CARF: variants seen among roughly 807,000 people sequenced by gnomAD.
CARF encodes calcium responsive transcription factor, also known as calcium-responsive transcription factor.
In CARF, 57 loss-of-function variants were observed where a neutral mutation model predicts 82.0. That is an observed-to-expected ratio of 0.70 (90% CI 0.56 to 0.87). The LOEUF (loss-of-function observed/expected upper bound fraction) is 0.87, where lower values mean the gene tolerates loss of function less well. Among genes scored for constraint, CARF ranks in the 40% least tolerant of loss-of-function variants. CARF has a pLI of 0.00. For synonymous variants in CARF, 268 were observed against 290.1 expected, an observed-to-expected ratio of 0.92 and a Z score of 0.77; for missense variants, 771 against 855.8, an observed-to-expected ratio of 0.90 and a Z score of 1.24.
chr2:202,952,053 G>A (rs1467304655), intron 5 of CARF, among the ~76,000 whole-genome samples: 1 of 151,960 alleles, frequency 6.6e-6, no homozygotes, highest in Non-Finnish European at 1.5e-5. Context: ...GGCTGGTCTC[G>A]AACTCCTGAC....
intron 1 of CARF, among the ~76,000 whole-genome samples, chr2:202,914,800 AAATC>A (rs954611124): frequency 2.1e-4 from 32 of 151,520 alleles, no homozygotes; most frequent in African/African-American, 7.7e-4. Flanking sequence ...AACAAACAAA[AAATC>A]AGAGCAAAAA....
rs202084612 is a variant in CARF at position 202,971,561 on chromosome 2, C to A, written c.1154C>A (p.Pro385His). 2 of 1,613,562 alleles carry A rather than the reference C, an allele frequency of 1.2e-6. No individual in the cohort carries two copies. Among genetic ancestry groups the A allele is most frequent in the African/African-American group, 2.7e-5 (2 of 74,992 alleles). ...CATCAGTATCATGAATTAGAGACTC[C>A]CTGCCTCACTTTGTCACCTTCTCCT... The part of the protein sequence containing the change: ...QAHQYHELET[P>H]CLTLSPSPFP... The change falls in exon 12 of 17, where the codon CCC (proline) becomes CAC (histidine). Residue 385 changes from proline to histidine, a missense_variant. Physicochemically the swap from Pro to His is moderately conservative, Grantham distance 77. Coordinates refer to ENST00000438828, the MANE Select transcript of CARF (RefSeq NM_024744.17).
intron 3 of CARF, among the ~76,000 whole-genome samples, chr2:202,936,162 A>C (rs1693898956): frequency 6.6e-6 from 1 of 152,164 alleles, no homozygotes; most frequent in Non-Finnish European, 1.5e-5. Context: ...GAATGCCTGA[A>C]CATCCCAAGA....
intron 3 of CARF, among the ~76,000 whole-genome samples, chr2:202,929,190 T>G (rs1168731133): frequency 6.6e-6 from 1 of 152,228 alleles, no homozygotes; most frequent in Non-Finnish European, 1.5e-5. Flanking sequence ...GTACAAAAGC[T>G]TTTTAGTTTG....
chr2:202,956,850 G>A (rs754604590), intron 8 of CARF, among the ~76,000 whole-genome samples: 3 of 152,040 alleles, frequency 2.0e-5, no homozygotes, highest in East Asian at 1.9e-4. Flanking sequence ...GTGCAGTGGC[G>A]CTGTCTCAGG....
chr2:202,926,751 C>T, intron 3 of CARF, among the ~76,000 whole-genome samples: 1 of 152,172 alleles, frequency 6.6e-6, no homozygotes, highest in East Asian at 1.9e-4. Flanking sequence ...TTCAGATATT[C>T]TTTAATTTCT....
chr2:202,946,564 C>T (rs1207644238), intron 5 of CARF, among the ~76,000 whole-genome samples: 1 of 152,200 alleles, frequency 6.6e-6, no homozygotes, highest in Non-Finnish European at 1.5e-5. Flanking sequence ...AAAACCTAGG[C>T]AATGCCATTC....
At chr2:202,972,287 TCA>T (rs2059819366) in intron 12 of CARF, among the ~76,000 whole-genome samples, 1 of 152,098 alleles carries the variant, frequency 6.6e-6, no homozygotes, top group South Asian at 2.1e-4. Flanking sequence ...ATGTATGATC[TCA>T]TTTAGTCTTA....
At chr2:202,940,214 A>G (rs564910554) in intron 3 of CARF, among the ~76,000 whole-genome samples, 101 of 151,668 alleles carry the variant, frequency 6.7e-4, no homozygotes, top group Non-Finnish European at 1.4e-3. Context: ...TTGTATTTTT[A>G]GTAGAGACAG....
intron 9 of CARF, among the ~76,000 whole-genome samples, chr2:202,965,430 T>C (rs962471123): frequency 2.6e-5 from 4 of 152,180 alleles, no homozygotes; most frequent in Non-Finnish European, 4.4e-5. Flanking sequence ...TTACTATTGT[T>C]TTAATTTGCA....
At position 202,982,150 on chromosome 2, in the gene CARF, A is replaced by T; in HGVS notation, c.1768A>T (p.Ser590Cys). ...VVSVNNQPSS[S>C]PSGLLDTIGS... ...ATCAGTAAATAACCAGCCGTCCTCT[A>T]GTCCTTCAGGACTTCTGGATACAAT... The change falls in exon 16 of 17, where the codon AGT (serine) becomes TGT (cysteine). Residue 590 changes from serine (S) to cysteine (C), a missense_variant. Coordinates refer to ENST00000438828, the MANE Select transcript of CARF (RefSeq NM_024744.17). 6.2e-7 allele frequency: 1 copy of T among 1,614,182 alleles called. No individual in the cohort carries two copies. The highest frequency in any genetic ancestry group is 2.2e-5 in the East Asian group (1 of 44,876).
intron 1 of CARF, among the ~76,000 whole-genome samples, chr2:202,915,236 C>T (rs981270679): frequency 4.6e-5 from 7 of 151,890 alleles, no homozygotes; most frequent in Admixed American, 2.0e-4. Flanking sequence ...GGGATGGTCT[C>T]GATCCCCTGA....
intron 2 of CARF, among the ~76,000 whole-genome samples, chr2:202,919,467 A>G (rs959053517): frequency 1.3e-5 from 2 of 152,220 alleles, no homozygotes; most frequent in Non-Finnish European, 2.9e-5. Context: ...ACTTTTTACA[A>G]CTTCTTCCTA....
chr2:202,935,903 A>G (rs1002727828), intron 3 of CARF, among the ~76,000 whole-genome samples: 1 of 152,086 alleles, frequency 6.6e-6, no homozygotes, highest in Non-Finnish European at 1.5e-5. Context: ...TGCAGCCTCA[A>G]ACTCCTGGGC....
intron 5 of CARF, among the ~76,000 whole-genome samples, chr2:202,945,011 A>C (rs1221588689): frequency 6.6e-6 from 1 of 152,234 alleles, no homozygotes; most frequent in African/African-American, 2.4e-5. Context: ...GAAACCATGA[A>C]ATAGGAAACA....
rs751023735 is a variant in CARF at position 202,982,379 on chromosome 2, G to A, written c.1997G>A (p.Arg666Gln). ...DTGNLEGTVH[R>Q]ILLGDVQTIP... The stretch of plus-strand genomic sequence containing the variant: ...GGGAATCTGGAAGGAACTGTTCATC[G>A]GATTCTGTTGGGAGATGTGCAGACT... Residue 666 changes from arginine to glutamine, a missense_variant, in exon 16 of 17, where the codon CGG (arginine) becomes CAG (glutamine). Transcript: ENST00000438828. 21 of 1,614,098 alleles carry A rather than the reference G, an allele frequency of 1.3e-5. No homozygotes were observed. Among genetic ancestry groups the A allele is most frequent in the Admixed American group, 3.3e-5 (2 of 60,022 alleles).
In CARF at chr2:202,942,877, T is replaced by C; in HGVS notation, c.216T>C (p.Thr72=). The C allele has an allele frequency of 1.2e-6, 2 of 1,614,086 alleles. No individual in the cohort carries two copies. The highest frequency in any genetic ancestry group is 1.7e-6 in the Non-Finnish European group (2 of 1,180,016). The change falls in exon 5 of 17, where the codon ACT becomes ACC. Residue 72 remains threonine, a synonymous_variant. Coordinates refer to ENST00000438828, the MANE Select transcript of CARF (RefSeq NM_024744.17). ...NIPGPLTQTQ[T]LSAEQFHLVD... ...CAGGGCCCCTGACTCAGACACAGAC[T>C]CTTTCTGCAGAGCAATTCCATCTAG... is the stretch of plus-strand genomic sequence containing the variant.
intron 5 of CARF, among the ~76,000 whole-genome samples, chr2:202,948,563 C>A (rs538679536): frequency 6.6e-6 from 1 of 152,150 alleles, no homozygotes; most frequent in African/African-American, 2.4e-5. Context: ...TGGTAGAGAT[C>A]TTTCACCTTC....
At chr2:202,956,816 T>C (rs561593782) in intron 8 of CARF, among the ~76,000 whole-genome samples, 1 of 152,028 alleles carries the variant, frequency 6.6e-6, no homozygotes, top group Admixed American at 6.6e-5. Flanking sequence ...TGAGATGGAG[T>C]CTCGCTCTGT....
Sources: allele counts gnomAD v4.1 joint callset (sites outside exome capture counted in the v4.1 genomes callset), GRCh38; gene constraint gnomAD v4.1.1; transcripts MANE v1.5; gene names NCBI Gene and HGNC (gene_info 2026-07-23, HGNC 2026-07-21).